Variants in NARS2 observed in about 807,000 individuals in gnomAD.
The protein encoded by NARS2 is asparaginyl-tRNA synthetase 2, mitochondrial.
In NARS2, 60 loss-of-function variants were observed where a neutral mutation model predicts 62.9. The ratio of observed to expected loss-of-function variants is 0.95; its 90% CI spans 0.77 to 1.18. The LOEUF (loss-of-function observed/expected upper bound fraction) is 1.18, where lower values mean the gene tolerates loss of function less well. Among genes scored for constraint, NARS2 ranks in the 50% most tolerant of loss-of-function variants. The pLI, the probability that NARS2 is intolerant of heterozygous loss-of-function variation, is 0.00. For missense variants in NARS2, 619 were observed against 576.4 expected, an observed-to-expected ratio of 1.07 and a Z score of -0.76; for synonymous variants, 196 against 200.0, an observed-to-expected ratio of 0.98 and a Z score of 0.17.
intron 6 of NARS2, among the ~76,000 whole-genome samples, chr11:78,513,569 G>C (rs1860796226): frequency 6.6e-6 from 1 of 152,090 alleles, no homozygotes; most frequent in African/African-American, 2.4e-5. Flanking sequence ...CCTGAGGTTA[G>C]GAGTTTGAGA....
intron 13 of NARS2, among the ~76,000 whole-genome samples, chr11:78,439,474 G>A (rs1044613420): frequency 1.3e-5 from 2 of 152,114 alleles, no homozygotes; most frequent in African/African-American, 2.4e-5. Flanking sequence ...GAAAAGAAAG[G>A]GGGTAGGAAA....
intron 9 of NARS2, among the ~76,000 whole-genome samples, chr11:78,478,065 G>C (rs894177340): frequency 6.6e-6 from 1 of 152,074 alleles, no homozygotes; most frequent in South Asian, 2.1e-4. Flanking sequence ...TTCTTGTCTT[G>C]TTGTAACCTA....
chr11:78,555,317 T>G (rs543571787), intron 5 of NARS2: 6 of 152,342 alleles, frequency 3.9e-5, no homozygotes, highest in African/African-American at 9.6e-5. Flanking sequence ...CAGCTCTTCA[T>G]TGTACATCTG....
intron 11 of NARS2, among the ~76,000 whole-genome samples, chr11:78,445,017 A>G (rs1201069246): frequency 6.6e-6 from 1 of 152,186 alleles, no homozygotes; most frequent in African/African-American, 2.4e-5. Context: ...ACTTATGACA[A>G]AAAGTTCAAA....
At chr11:78,554,720 G>T (rs1565280493) in intron 5 of NARS2, among the ~76,000 whole-genome samples, 1 of 152,194 alleles carries the variant, frequency 6.6e-6, no homozygotes, top group African/African-American at 2.4e-5. Context: ...TCTGCAAACA[G>T]ACATAGTTTG....
At chr11:78,450,666 CTT>C (rs781420225) in intron 11 of NARS2, among the ~76,000 whole-genome samples, 1,338 of 101,534 alleles carry the variant, frequency 0.013, 25 homozygotes, top group African/African-American at 0.05. Context: ...AAAGCCTTGT[CTT>C]TTTTTTTTTT....
intron 5 of NARS2, among the ~76,000 whole-genome samples, chr11:78,537,082 A>G (rs982603561): frequency 6.6e-6 from 1 of 152,166 alleles, no homozygotes; most frequent in African/African-American, 2.4e-5. Context: ...GGTAGGCTAT[A>G]CCATCTCGGT....
At chr11:78,456,622 C>T (rs1858172806) in intron 11 of NARS2, among the ~76,000 whole-genome samples, 1 of 152,230 alleles carries the variant, frequency 6.6e-6, no homozygotes, top group African/African-American at 2.4e-5. Flanking sequence ...TGAATGCCCA[C>T]TAATGCTGAC....
At chr11:78,444,797 A>G (rs1857701260) in intron 11 of NARS2, among the ~76,000 whole-genome samples, 1 of 152,122 alleles carries the variant, frequency 6.6e-6, no homozygotes, top group Admixed American at 6.6e-5. Context: ...AAAATATAGG[A>G]AAATAAAATA....
In NARS2 at chr11:78,574,613, G is replaced by C; in HGVS notation, c.-125C>G. ...CGCAGCTCTGCTCTAAGGCACTCCA[G>C]AGCCCCTCGGCTGCGCGCTTTCTCC... On this transcript the variant is annotated 5_prime_UTR_variant, in exon 1 of 14. Transcript: ENST00000281038. The C allele has an allele frequency of 9.2e-7, 1 of 1,086,652 alleles. No homozygotes were observed. Among genetic ancestry groups the C allele is most frequent in the Non-Finnish European group, 1.3e-6 (1 of 781,022 alleles). The allele number at this position is 1,086,652 out of a possible 1,614,324, so 67.3% of individuals were successfully genotyped here.
rs183614561 is a variant in NARS2, at chr11:78,489,049, G to A, written c.822+4014C>T. 1.1e-4 allele frequency among the ~76,000 whole-genome samples: 16 copies of A among 152,242 alleles called. No homozygotes were observed. In the East Asian group the frequency reaches 1.7e-3, roughly 17 times the overall value. The stretch of plus-strand genomic sequence containing the variant: ...AGCTATAAAACATCATAAAATCCTT[G>A]AGATCTAGGGCAAGGTAAAGAGTTC... On this transcript the variant is annotated intron_variant, in intron 7 of 13. Transcript: ENST00000281038.
intron 7 of NARS2, among the ~76,000 whole-genome samples, chr11:78,482,660 T>C (rs1293258782): frequency 6.6e-6 from 1 of 152,148 alleles, no homozygotes; most frequent in Non-Finnish European, 1.5e-5. Context: ...GATAAATTCC[T>C]GGACATATAC....
intron 5 of NARS2, among the ~76,000 whole-genome samples, chr11:78,548,247 C>T (rs1296581594): frequency 1.3e-5 from 2 of 152,072 alleles, no homozygotes; most frequent in African/African-American, 4.8e-5. Context: ...GCTATAGCAA[C>T]TGAATACAAG....
At chr11:78,519,301 T>C (rs1216413973) in intron 6 of NARS2, among the ~76,000 whole-genome samples, 1 of 152,074 alleles carries the variant, frequency 6.6e-6, no homozygotes, top group Non-Finnish European at 1.5e-5. Context: ...CACAAACTAA[T>C]CAATTAACCA....
At chr11:78,568,858 T>A in intron 2 of NARS2, 106 bp from the exon 3 acceptor site, 1 of 849,586 alleles carries the variant, frequency 1.2e-6, no homozygotes, top group Non-Finnish European at 1.8e-6. Context: ...CAAAAGCTTT[T>A]ACCCTTATTG....
At chr11:78,460,110 G>T (rs1022576668) in intron 11 of NARS2, among the ~76,000 whole-genome samples, 2 of 152,158 alleles carry the variant, frequency 1.3e-5, no homozygotes, top group Admixed American at 6.5e-5. Context: ...GTGGTGATAG[G>T]AGAGAACAAA....
intron 11 of NARS2, among the ~76,000 whole-genome samples, chr11:78,464,292 G>T (rs970098864): frequency 6.6e-6 from 1 of 152,158 alleles, no homozygotes; most frequent in Non-Finnish European, 1.5e-5. Flanking sequence ...CCCAAAGAGT[G>T]AGCAGGAGCA....
intron 5 of NARS2, 128 bp downstream of exon 5, chr11:78,559,411 G>T: frequency 1.6e-6 from 1 of 623,556 alleles, no homozygotes; most frequent in Admixed American, 2.6e-5. Flanking sequence ...AGTTTTTCAA[G>T]GATTTTTATT....
chr11:78,443,779 AT>A, intron 11 of NARS2, 21 bp from the exon 12 acceptor site: 1 of 1,524,462 alleles, frequency 6.6e-7, no homozygotes. Flanking sequence ...AAAAAAAATT[AT>A]TAGCATTATA....
Sources: allele counts gnomAD v4.1 joint callset (sites outside exome capture counted in the v4.1 genomes callset), GRCh38; gene constraint gnomAD v4.1.1; transcripts MANE v1.5; gene names NCBI Gene and HGNC (gene_info 2026-07-23, HGNC 2026-07-21).